TSHZ2: variants seen among roughly 807,000 people sequenced by gnomAD.
The protein encoded by TSHZ2 is teashirt zinc finger homeobox 2, also known as teashirt homolog 2.
Under a neutral mutation model 74.4 loss-of-function variants are expected in TSHZ2, and 21 were observed. The ratio of observed to expected loss-of-function variants is 0.28; its 90% CI spans 0.20 to 0.41. TSHZ2 has a LOEUF of 0.41. Among genes scored for constraint, TSHZ2 ranks in the 10% least tolerant of loss-of-function variants. The pLI, the probability that TSHZ2 is intolerant of heterozygous loss-of-function variation, is 1.00. For synonymous variants in TSHZ2, 540 were observed against 515.3 expected (o/e 1.05, Z -0.65); for missense variants, 1,244 against 1,293.5 (o/e 0.96, Z 0.59).
intron 1 of TSHZ2, among the ~76,000 whole-genome samples, chr20:53,163,630 T>C (rs1414631244): frequency 2.6e-5 from 4 of 151,968 alleles, no homozygotes; most frequent in Admixed American, 1.3e-4. Context: ...AGCCAGTAGC[T>C]GTGGTGTGGG....
intron 1 of TSHZ2, among the ~76,000 whole-genome samples, chr20:53,171,531 G>A (rs1225906460): frequency 2.8e-5 from 4 of 143,168 alleles, no homozygotes; most frequent in African/African-American, 1.1e-4. Flanking sequence ...TATCCTAAAT[G>A]CATTACCTTC....
At chr20:53,365,557 C>T (rs946439712) in intron 2 of TSHZ2, among the ~76,000 whole-genome samples, 3 of 152,086 alleles carry the variant, frequency 2.0e-5, no homozygotes, top group African/African-American at 4.8e-5. Context: ...GGTTAGATGC[C>T]GTTTACGCTA....
chr20:53,011,343 T>C (rs1035658374), intron 1 of TSHZ2, among the ~76,000 whole-genome samples: 1 of 152,252 alleles, frequency 6.6e-6, no homozygotes, highest in African/African-American at 2.4e-5. Context: ...AATCTCACTT[T>C]TAATGCCCAT....
chr20:53,465,949 CAT>C (rs1209790370), intron 2 of TSHZ2, among the ~76,000 whole-genome samples: 9 of 133,326 alleles, frequency 6.8e-5, no homozygotes, highest in Non-Finnish European at 1.2e-4. Context: ...TGAGCTTAGA[CAT>C]ATAATCACAG....
rs925889213 is a variant in TSHZ2, at chr20:53,222,790, A to G, written c.41-30709A>G. 1.3e-5 allele frequency among the ~76,000 whole-genome samples: 2 copies of G among 152,236 alleles called. 1 individual carries two copies. Among genetic ancestry groups the G allele is most frequent in the Non-Finnish European group, 2.9e-5 (2 of 68,040 alleles). ...AAGCTTACAGACCCAGGTGGGATCCAATCAAATAAATACATTAGAAGCCTA... is the reference window on the plus strand; with the variant it reads ...AAGCTTACAGACCCAGGTGGGATCCGATCAAATAAATACATTAGAAGCCTA... On this transcript the variant is annotated intron_variant, in intron 1 of 2. Coordinates refer to ENST00000371497, the MANE Select transcript of TSHZ2 (RefSeq NM_173485.6).
At chr20:53,049,440 C>T (rs2123122116) in intron 1 of TSHZ2, among the ~76,000 whole-genome samples, 1 of 152,224 alleles carries the variant, frequency 6.6e-6, no homozygotes, top group South Asian at 2.1e-4. Flanking sequence ...CCTCCAGGAA[C>T]CATTCATGAT....
chr20:53,163,360 CTTTTTTTT>C (rs55685519), intron 1 of TSHZ2, among the ~76,000 whole-genome samples: 17 of 65,636 alleles, frequency 2.6e-4, no homozygotes, highest in Admixed American at 6.0e-4. Context: ...CTCTCTGTCT[CTTTTTTTT>C]TTTTTTTTTT....
intron 1 of TSHZ2, among the ~76,000 whole-genome samples, chr20:53,173,776 C>T (rs993635564): frequency 3.9e-5 from 6 of 151,954 alleles, no homozygotes; most frequent in African/African-American, 1.2e-4. Flanking sequence ...TGTAAATGCA[C>T]GATCATGTTC....
chr20:53,051,453 G>GCGCACACA (rs1423362488), intron 1 of TSHZ2, among the ~76,000 whole-genome samples: 15 of 102,990 alleles, frequency 1.5e-4, no homozygotes, highest in South Asian at 3.5e-4. Flanking sequence ...ACTCTGTGGC[G>GCGCACACA]CACGCACACA....
In TSHZ2 at chr20:53,254,847, G is replaced by C. The variant is rs1409406551; in HGVS notation, c.1389G>C (p.Glu463Asp). Residue 463 changes from glutamate (E) to aspartate (D), a missense_variant, in exon 2 of 3, where the codon GAG becomes GAC. This residue lies in a region of TSHZ2 where 562 missense variants were observed against 544.0 expected (regional missense o/e 1.03). Transcript: ENST00000371497. ...CCTCTACAACTGAGTTAAAGAAAGA[G>C]AGTAAAAAAGAAAGGCCAGAGGAAA... Reference protein sequence around the residue: ...CTASTTELKKESKKERPEETS... With the variant: ...CTASTTELKKDSKKERPEETS... The C allele has an allele frequency of 6.2e-7, 1 of 1,614,032 alleles. No homozygotes were observed.
chr20:53,334,558 G>C (rs2145555476), intron 2 of TSHZ2, among the ~76,000 whole-genome samples: 1 of 152,320 alleles, frequency 6.6e-6, no homozygotes, highest in East Asian at 1.9e-4. Context: ...ACCGGCAATT[G>C]CACTTCCAGT....
chr20:52,991,238 T>A (rs1981976167), intron 1 of TSHZ2, among the ~76,000 whole-genome samples: 1 of 150,500 alleles, frequency 6.6e-6, no homozygotes, highest in South Asian at 2.1e-4. Context: ...TGGGTATTAG[T>A]GTGTGTTGTG....
chr20:53,099,416 A>G (rs1259853892), intron 1 of TSHZ2, among the ~76,000 whole-genome samples: 1 of 152,088 alleles, frequency 6.6e-6, no homozygotes, highest in Non-Finnish European at 1.5e-5. Context: ...AGCCTCCACA[A>G]TCTCTCACAT....
chr20:53,178,240 G>A (rs1427440756), intron 1 of TSHZ2: 3 of 152,142 alleles, frequency 2.0e-5, no homozygotes, highest in East Asian at 1.9e-4. Flanking sequence ...CATGACACTC[G>A]GCACCTCCCG....
At chr20:53,280,927 C>G (rs558602731) in intron 2 of TSHZ2, among the ~76,000 whole-genome samples, 1 of 152,152 alleles carries the variant, frequency 6.6e-6, no homozygotes, top group Admixed American at 6.5e-5. Context: ...CTCCTGACCT[C>G]GTGATCCGCC....
chr20:53,438,126 TG>T (rs1984163781), intron 2 of TSHZ2, among the ~76,000 whole-genome samples: 1 of 151,184 alleles, frequency 6.6e-6, no homozygotes. Context: ...TTTTTTTTTT[TG>T]GAGACAGAGT....
Position 53,119,428 on chromosome 20 carries a change from G to T in TSHZ2, c.41-134071G>T, listed in dbSNP as rs112433141. ...GACATTGTAAGACACGATGATAAGTGCTACAGCAAGAGAGGTCAAGTTCAT... is the reference window on the plus strand; with the variant it reads ...GACATTGTAAGACACGATGATAAGTTCTACAGCAAGAGAGGTCAAGTTCAT... On this transcript the variant is annotated intron_variant, in intron 1 of 2. Coordinates refer to ENST00000371497, the MANE Select transcript of TSHZ2 (RefSeq NM_173485.6). Among the ~76,000 whole-genome samples the T allele has an allele frequency of 7.8e-3, 1,192 of 152,278 alleles. 9 individuals carry two copies. Among genetic ancestry groups the T allele is most frequent in the South Asian group, 0.017 (83 of 4,824 alleles).
At chr20:53,156,966 G>A (rs1381864338) in intron 1 of TSHZ2, among the ~76,000 whole-genome samples, 4 of 152,172 alleles carry the variant, frequency 2.6e-5, no homozygotes, top group African/African-American at 7.2e-5. Context: ...AAGGTGCAGA[G>A]CTTTATTAAG....
At chr20:53,071,013 C>T (rs768658008) in intron 1 of TSHZ2, among the ~76,000 whole-genome samples, 22 of 152,108 alleles carry the variant, frequency 1.4e-4, no homozygotes, top group Non-Finnish European at 2.4e-4. Context: ...GTTTCAAAAC[C>T]GTTAGAACGA....
Sources: allele counts gnomAD v4.1 joint callset (sites outside exome capture counted in the v4.1 genomes callset), GRCh38; gene constraint gnomAD v4.1.1; regional missense constraint gnomAD v4.1.1; transcripts MANE v1.5; gene names NCBI Gene and HGNC (gene_info 2026-07-23, HGNC 2026-07-21).